AGBL1: variants seen among roughly 807,000 people sequenced by gnomAD.
AGBL1 encodes cytosolic carboxypeptidase 4.
A neutral mutation model predicts 118.9 loss-of-function variants in AGBL1; 130 were observed. The ratio of observed to expected loss-of-function variants is 1.09; its 90% CI spans 0.95 to 1.26. The LOEUF is 1.26. Among genes scored for constraint, AGBL1 ranks in the 50% most tolerant of loss-of-function variants. The probability of loss-of-function intolerance (pLI) is 0.00; values close to 1 mark genes in which losing one functional copy is unlikely to be tolerated. For synonymous variants in AGBL1, 555 were observed against 478.9 expected, an observed-to-expected ratio of 1.16 and a Z score of -2.08; for missense variants, 1,584 against 1,298.1, an observed-to-expected ratio of 1.22 and a Z score of -3.38.
At chr15:86,433,267 T>C (rs1401987106) in intron 18 of AGBL1, among the ~76,000 whole-genome samples, 1,701 of 43,308 alleles carry the variant, frequency 0.039, 14 homozygotes, top group African/African-American at 0.087. Context: ...CTCCTTCTTC[T>C]TTTTTTTTTT....
chr15:86,593,241 C>G (rs2084362307), intron 21 of AGBL1, among the ~76,000 whole-genome samples: 1 of 151,724 alleles, frequency 6.6e-6, no homozygotes, highest in African/African-American at 2.4e-5. Context: ...TCTTACTAAC[C>G]TTGTACTTTC....
At chr15:86,286,735 GTA>G (rs535707426) in intron 16 of AGBL1, among the ~76,000 whole-genome samples, 11 of 106,214 alleles carry the variant, frequency 1.0e-4, no homozygotes, top group Non-Finnish European at 6.1e-5. Context: ...GTTTGTGTGT[GTA>G]TATATATATA....
intron 24 of AGBL1, chr15:86,988,238 A>G: frequency 1.1e-6 from 1 of 872,776 alleles, no homozygotes; most frequent in Non-Finnish European, 1.7e-6. Flanking sequence ...GCTTTGCAAG[A>G]CAATGCCAAC....
intron 18 of AGBL1, among the ~76,000 whole-genome samples, chr15:86,402,470 G>C (rs893978833): frequency 2.6e-5 from 4 of 152,054 alleles, no homozygotes. Context: ...GCTGTGGCTA[G>C]GACTTCAAGT....
chr15:86,534,881 C>A (rs977216115), intron 19 of AGBL1, among the ~76,000 whole-genome samples: 3 of 152,076 alleles, frequency 2.0e-5, no homozygotes, highest in Non-Finnish European at 4.4e-5. Context: ...GTGTTTGCCT[C>A]TGAGGAAGAG....
intron 22 of AGBL1, among the ~76,000 whole-genome samples, chr15:86,699,717 T>G (rs2086323194): frequency 1.3e-5 from 2 of 152,090 alleles, no homozygotes; most frequent in African/African-American, 4.8e-5. Flanking sequence ...CACTTAGACA[T>G]GAGCACATGT....
chr15:86,083,604 T>C (rs1324849549), intron 1 of AGBL1: 1 of 152,220 alleles, frequency 6.6e-6, no homozygotes, highest in Non-Finnish European at 1.5e-5. Context: ...GCTTCCTGTC[T>C]GGAGTAAGCC....
chr15:86,119,656 TG>T (rs1355228205), intron 1 of AGBL1, among the ~76,000 whole-genome samples: 4 of 28,980 alleles, frequency 1.4e-4, no homozygotes, highest in African/African-American at 3.2e-4. Context: ...AAAAGTAGTT[TG>T]TGTGTGTGTG....
intron 22 of AGBL1, among the ~76,000 whole-genome samples, chr15:86,729,500 C>T (rs566454066): frequency 6.6e-6 from 1 of 152,308 alleles, no homozygotes; most frequent in East Asian, 1.9e-4. Flanking sequence ...CAGTGTTTAG[C>T]TCCTGCTTAT....
rs145790575 is a variant in AGBL1, at chr15:86,211,719, G to A, written c.489-13195G>A. Among the ~76,000 whole-genome samples, 707 of 152,248 alleles carry A rather than the reference G, an allele frequency of 4.6e-3. 10 individuals carry two copies. Among genetic ancestry groups the A allele is most frequent in the African/African-American group, 0.016 (668 of 41,530 alleles). On this transcript the variant is annotated intron_variant, in intron 5 of 22. Coordinates refer to ENST00000614907, the MANE Select transcript of AGBL1 (RefSeq NM_001386094.1). ...AAAAGCACAGTATTTTGGTGGGAGC[G>A]TCCGAATTTTCCAGGTACAGGGCAT...
intron 19 of AGBL1, among the ~76,000 whole-genome samples, chr15:86,528,519 C>T (rs1210358124): frequency 1.3e-5 from 2 of 150,414 alleles, no homozygotes; most frequent in Admixed American, 6.6e-5. Context: ...AAGGTGGCAG[C>T]GAGGCTGGGG....
In AGBL1 at chr15:86,818,489, T is replaced by C. The variant is rs552687352; in HGVS notation, c.3159-88598T>C. On this transcript the variant is annotated intron_variant, in intron 22 of 22. Transcript: ENST00000614907. The stretch of plus-strand genomic sequence containing the variant: ...AATGATCTGAGGTGGAACAGTTTCA[T>C]TCAGAAACCACTCCCCCAAACCCCA... Among the ~76,000 whole-genome samples, 102 of 152,320 alleles carry C rather than the reference T, an allele frequency of 6.7e-4. No homozygotes were observed. In the Middle Eastern group the frequency reaches 0.017, roughly 25 times the overall value.
At chr15:86,438,199 C>T (rs1426779294) in intron 18 of AGBL1, among the ~76,000 whole-genome samples, 1 of 152,124 alleles carries the variant, frequency 6.6e-6, no homozygotes, top group Non-Finnish European at 1.5e-5. Context: ...AGCCACTGCA[C>T]CCGGCCAAGC....
intron 17 of AGBL1, among the ~76,000 whole-genome samples, chr15:86,327,464 G>A (rs1196059017): frequency 6.6e-6 from 1 of 152,172 alleles, no homozygotes; most frequent in East Asian, 1.9e-4. Context: ...TTTGGATGTA[G>A]AAATTTTGGT....
intron 22 of AGBL1, among the ~76,000 whole-genome samples, chr15:86,761,814 C>A (rs772644268): frequency 1.1e-4 from 16 of 151,940 alleles, no homozygotes; most frequent in Non-Finnish European, 2.1e-4. Flanking sequence ...GCTTTTTTTG[C>A]TGTGCAGAAG....
At chr15:86,603,348 T>C (rs1360597236) in intron 21 of AGBL1, among the ~76,000 whole-genome samples, 1 of 152,178 alleles carries the variant, frequency 6.6e-6, no homozygotes, top group African/African-American at 2.4e-5. Context: ...TGTGGTTGTT[T>C]AGGAAATAGT....
At chr15:86,322,235 T>A (rs1369260709) in intron 17 of AGBL1, among the ~76,000 whole-genome samples, 1 of 152,064 alleles carries the variant, frequency 6.6e-6, no homozygotes, top group African/African-American at 2.4e-5. Context: ...TTAATCTGTC[T>A]GTTTGAGAGA....
At chr15:86,763,912 G>C (rs547935131) in intron 22 of AGBL1, among the ~76,000 whole-genome samples, 2 of 152,036 alleles carry the variant, frequency 1.3e-5, no homozygotes, top group Non-Finnish European at 2.9e-5. Context: ...CCAAGTGATG[G>C]AACAGGAATT....
intron 17 of AGBL1, among the ~76,000 whole-genome samples, chr15:86,339,805 A>T (rs1415340966): frequency 6.6e-6 from 1 of 152,054 alleles, no homozygotes; most frequent in African/African-American, 2.4e-5. Flanking sequence ...CGTCTCTATT[A>T]AAAGTACAAA....
Sources: allele counts gnomAD v4.1 joint callset (sites outside exome capture counted in the v4.1 genomes callset), GRCh38; gene constraint gnomAD v4.1.1; transcripts MANE v1.5; gene names NCBI Gene and HGNC (gene_info 2026-07-23, HGNC 2026-07-21).